Variants in ADA observed in about 807,000 individuals in gnomAD.
ADA encodes the protein adenosine aminohydrolase.
In ADA, 45 loss-of-function variants were observed where a neutral mutation model predicts 49.0. That is an observed-to-expected ratio of 0.92 (90% confidence interval 0.72 to 1.18). The LOEUF (loss-of-function observed/expected upper bound fraction) is 1.18. Among genes scored for constraint, ADA ranks in the 50% most tolerant of loss-of-function variants. The pLI, the probability that ADA is intolerant of heterozygous loss-of-function variation, is 0.00. For synonymous variants in ADA, 173 were observed against 184.2 expected (o/e 0.94, Z 0.49); for missense variants, 445 against 472.5 (o/e 0.94, Z 0.54).
At chr20:44,640,960 G>A (rs185428691) in intron 1 of ADA, among the ~76,000 whole-genome samples, 1 of 151,944 alleles carries the variant, frequency 6.6e-6, no homozygotes, top group African/African-American at 2.4e-5. Flanking sequence ...TGGCTCTGAT[G>A]ATATCTTGAT....
intron 2 of ADA, among the ~76,000 whole-genome samples, chr20:44,631,409 G>A (rs1050465174): frequency 1.3e-5 from 2 of 152,122 alleles, no homozygotes; most frequent in Admixed American, 6.5e-5. Context: ...CCCACTGCTG[G>A]CCAGCTGCCC....
chr20:44,634,878 G>T (rs1229257058), intron 2 of ADA, among the ~76,000 whole-genome samples: 2 of 152,214 alleles, frequency 1.3e-5, no homozygotes, highest in East Asian at 3.8e-4. Flanking sequence ...TCAAATTTGG[G>T]TCCCGAGCTG....
chr20:44,630,279 A>G (rs1027708350), intron 2 of ADA, among the ~76,000 whole-genome samples: 12 of 151,446 alleles, frequency 7.9e-5, no homozygotes, highest in African/African-American at 2.7e-4. Context: ...AGGGAGTCAG[A>G]GGCTGTGGTG....
rs189751145 is a variant in ADA at position 44,629,121 on chromosome 20, G to A, written c.144C>T (p.Asn48=). The A allele has an allele frequency of 3.6e-5, 58 of 1,614,206 alleles. No individual in the cohort carries two copies. The East Asian group carries it at 6.2e-4, about 17-fold the overall frequency. ...TGAGCGGCTTGTCCATGCCAATGAC[G>A]TTCAGCAGCCCCTCTGCTGTGTTAG... The part of the protein sequence containing the change: ...LPANTAEGLL[N]VIGMDKPLTL... The change falls in exon 3 of 12, where the codon AAC becomes AAT. Residue 48 remains asparagine, a synonymous_variant. Coordinates refer to ENST00000372874, the MANE Select transcript of ADA (RefSeq NM_000022.4).
chr20:44,626,259 C>T (rs746235672), intron 4 of ADA, 197 bp downstream of exon 4: 1 of 752,428 alleles, frequency 1.3e-6, no homozygotes, highest in Non-Finnish European at 2.2e-6. Context: ...AAGGTAAGAA[C>T]ATAACGGCAA....
chr20:44,642,653 A>G (rs1250450525), intron 1 of ADA, among the ~76,000 whole-genome samples: 2 of 152,172 alleles, frequency 1.3e-5, no homozygotes, highest in Admixed American at 6.5e-5. Flanking sequence ...TTTTCCACCC[A>G]AGTGTGTTAA....
chr20:44,628,084 G>A (rs1420476864), intron 3 of ADA, among the ~76,000 whole-genome samples: 6 of 152,342 alleles, frequency 3.9e-5, no homozygotes, highest in African/African-American at 1.4e-4. Flanking sequence ...TTCCCACCAT[G>A]AAGAGTGAAA....
At position 44,645,439 on chromosome 20, in the gene ADA, T is replaced by C. The variant is rs527533846; in HGVS notation, c.33+6136A>G. On this transcript the variant is annotated intron_variant, in intron 1 of 11. Transcript: ENST00000372874. ...AGGACAGCCATTGTTATGGCCAACATGGTGAAACCCTGTCTCTACTAAAAA... is the reference window on the plus strand; with the variant it reads ...AGGACAGCCATTGTTATGGCCAACACGGTGAAACCCTGTCTCTACTAAAAA... Among the ~76,000 whole-genome samples the C allele has an allele frequency of 3.3e-5, 5 of 149,730 alleles. No individual in the cohort carries two copies. In the East Asian group the frequency reaches 9.8e-4, roughly 29 times the overall value.
intron 1 of ADA, among the ~76,000 whole-genome samples, chr20:44,642,720 G>A (rs2065548686): frequency 6.6e-6 from 1 of 152,196 alleles, no homozygotes; most frequent in Non-Finnish European, 1.5e-5. Context: ...GGACAGGATG[G>A]CAGGAAGCCA....
chr20:44,637,727 A>G (rs2065493397), intron 1 of ADA, among the ~76,000 whole-genome samples: 1 of 152,202 alleles, frequency 6.6e-6, no homozygotes, highest in Admixed American at 6.5e-5. Context: ...AGCAGGGAAC[A>G]GAGACACCAG....
intron 10 of ADA, 68 bp downstream of exon 10, chr20:44,620,950 C>A: frequency 6.2e-7 from 1 of 1,603,852 alleles, no homozygotes; most frequent in Non-Finnish European, 8.5e-7. Flanking sequence ...TTCCAGGCCC[C>A]GGACTGGACC....
Position 44,643,953 on chromosome 20 carries a change from C to G in ADA, c.33+7622G>C, listed in dbSNP as rs1373440657. 8.6e-5 allele frequency among the ~76,000 whole-genome samples: 13 copies of G among 151,872 alleles called. 1 individual carries two copies. Among genetic ancestry groups the G allele is most frequent in the Admixed American group, 8.5e-4 (13 of 15,250 alleles). ...GGTCCAGGGCGGTGGGTTCACTTACCCAAGGTCACTCAGTGTGTCGGTGGC... is the reference window on the plus strand; with the variant it reads ...GGTCCAGGGCGGTGGGTTCACTTACGCAAGGTCACTCAGTGTGTCGGTGGC... On this transcript the variant is annotated intron_variant, in intron 1 of 11. Coordinates refer to ENST00000372874, the MANE Select transcript of ADA (RefSeq NM_000022.4).
chr20:44,645,490 C>T (rs1240072471), intron 1 of ADA, among the ~76,000 whole-genome samples: 2 of 151,848 alleles, frequency 1.3e-5, no homozygotes, highest in African/African-American at 4.8e-5. Context: ...GGCATGGTGG[C>T]GCACACCTGT....
In ADA at chr20:44,629,042, C is replaced by T. The variant is rs2065408230; in HGVS notation, c.218+5G>A. 3 of 1,614,066 alleles carry T rather than the reference C, an allele frequency of 1.9e-6. No individual in the cohort carries two copies. The African/African-American group carries it at 4.0e-5, about 22-fold the overall frequency. ...CCTAGGACCTGTGGGTTGGGGGCAA[C>T]TCACGCGATAGCAGGCATGTAGTAG... On this transcript the variant is annotated splice_donor_5th_base_variant and intron_variant, in intron 3 of 11. Transcript: ENST00000372874.
intron 4 of ADA, chr20:44,626,220 G>A: frequency 3.2e-6 from 2 of 626,426 alleles, no homozygotes; most frequent in East Asian, 2.9e-5. Flanking sequence ...CCTGTGGCCA[G>A]AGCAAGACAC....
At chr20:44,645,400 C>T (rs1157908439) in intron 1 of ADA, among the ~76,000 whole-genome samples, 1 of 150,932 alleles carries the variant, frequency 6.6e-6, no homozygotes, top group African/African-American at 2.4e-5. Context: ...CACCTGGTAC[C>T]CAGGACTACT....
At position 44,625,695 on chromosome 20, in the gene ADA, A is replaced by G. The variant is rs756427277; in HGVS notation, c.363-11T>C. The G allele has an allele frequency of 6.4e-7, 1 of 1,552,374 alleles. No individual in the cohort carries two copies. The highest frequency in any genetic ancestry group is 8.7e-7 in the Non-Finnish European group (1 of 1,146,214). On this transcript the variant is annotated splice_polypyrimidine_tract_variant and intron_variant, in intron 4 of 11. Transcript: ENST00000372874. ...GGGGTGAGGTCCCCTCTGTGTGAGGAGAGGAGTAGGGATGGGCCTGAGGCA... is the reference window on the plus strand; with the variant it reads ...GGGGTGAGGTCCCCTCTGTGTGAGGGGAGGAGTAGGGATGGGCCTGAGGCA...
intron 4 of ADA, 127 bp from the exon 5 acceptor site, chr20:44,625,811 C>G (rs1216747859): frequency 2.6e-6 from 2 of 761,340 alleles, no homozygotes; most frequent in African/African-American, 3.5e-5. Context: ...GACCCACTGC[C>G]TCAGAGGAAA....
At chr20:44,629,436 G>A (rs2065413281) in intron 2 of ADA, among the ~76,000 whole-genome samples, 1 of 152,148 alleles carries the variant, frequency 6.6e-6, no homozygotes, top group African/African-American at 2.4e-5. Context: ...GTGTGTGTGT[G>A]TGTATGTGTG....
Sources: allele counts gnomAD v4.1 joint callset (sites outside exome capture counted in the v4.1 genomes callset), GRCh38; gene constraint gnomAD v4.1.1; transcripts MANE v1.5; gene names NCBI Gene and HGNC (gene_info 2026-07-23, HGNC 2026-07-21).